PIK3C3: variants seen among roughly 807,000 people sequenced by gnomAD.
PIK3C3 encodes PI3-kinase type 3.
A neutral mutation model predicts 126.1 loss-of-function variants in PIK3C3; 95 were observed. That is an observed-to-expected ratio of 0.75 (90% CI 0.64 to 0.89). The LOEUF (loss-of-function observed/expected upper bound fraction) is 0.89. PIK3C3 is among the 40% of genes least tolerant of loss of function. PIK3C3 has a pLI of 0.00. For missense variants in PIK3C3, 829 were observed against 1,063.2 expected (o/e 0.78, Z 3.06); for synonymous variants, 374 against 360.0 (o/e 1.04, Z -0.44).
At chr18:41,986,579 T>A (rs4890378) in intron 4 of PIK3C3, among the ~76,000 whole-genome samples, 34,246 of 151,792 alleles carry the variant, frequency 0.23, 4,313 homozygotes, top group South Asian at 0.39. Context: ...ACTCTGGTCT[T>A]CCAGCTCCTA....
rs142884318 is a variant in PIK3C3 at position 42,059,403 on chromosome 18, C to T, written c.2432+1352C>T. On this transcript the variant is annotated intron_variant, in intron 22 of 24. Transcript: ENST00000262039. The stretch of plus-strand genomic sequence containing the variant: ...AGATGAGAGTGCCATTTAATATCTG[C>T]GATTTTTAATTTAAAATAGTCAAAG... 2.2e-4 allele frequency among the ~76,000 whole-genome samples: 33 copies of T among 152,146 alleles called. No individual in the cohort carries two copies. In the East Asian group the frequency reaches 4.4e-3, roughly 20 times the overall value.
chr18:42,015,617 A>C (rs752335161), intron 12 of PIK3C3, 51 bp downstream of exon 12: 1 of 1,213,792 alleles, frequency 8.2e-7, no homozygotes, highest in East Asian at 2.3e-5. Context: ...TACTGCATGA[A>C]CATTTTATAC....
intron 12 of PIK3C3, among the ~76,000 whole-genome samples, chr18:42,018,371 G>A (rs759362809): frequency 1.3e-5 from 2 of 151,914 alleles, no homozygotes; most frequent in East Asian, 1.9e-4. Context: ...GAAATGAAAC[G>A]TGTTTGCTAT....
chr18:42,033,351 G>A (rs1247771099), intron 15 of PIK3C3, among the ~76,000 whole-genome samples: 1 of 152,084 alleles, frequency 6.6e-6, no homozygotes, highest in Non-Finnish European at 1.5e-5. Flanking sequence ...TAGAAAGTAG[G>A]GTTATAGTTT....
intron 17 of PIK3C3, among the ~76,000 whole-genome samples, 178 bp downstream of exon 17, chr18:42,037,998 T>C (rs1193609851): frequency 6.6e-6 from 1 of 152,148 alleles, no homozygotes; most frequent in African/African-American, 2.4e-5. Flanking sequence ...TTCAGAATGG[T>C]TTTTGTGTTG....
At chr18:41,990,382 G>A in intron 5 of PIK3C3, 77 bp from the exon 6 acceptor site, 1 of 827,022 alleles carries the variant, frequency 1.2e-6, no homozygotes, top group Non-Finnish European at 2.0e-6. Context: ...TACTGAATTA[G>A]GAAAAATGAT....
chr18:42,012,603 A>G (rs570665790), intron 10 of PIK3C3, among the ~76,000 whole-genome samples: 7 of 152,306 alleles, frequency 4.6e-5, no homozygotes, highest in African/African-American at 1.7e-4. Flanking sequence ...ATACTTGTGA[A>G]GAGGACAAGT....
In PIK3C3 at chr18:42,084,692, A is replaced by G. The variant is rs184336852; in HGVS notation, c.*3555A>G. 2.6e-5 allele frequency: 4 copies of G among 152,242 alleles called. No individual in the cohort carries two copies. The highest frequency in any genetic ancestry group is 2.0e-4 in the Admixed American group (3 of 15,286). The allele number at this position is 152,242 out of a possible 1,614,324, so 9.4% of individuals were successfully genotyped here. A position where few individuals can be genotyped will look rare whatever the true frequency, so the allele number is the denominator to read the frequency against. Reference sequence around the variant, plus strand: ...AGCTGAGGTGGGACCCCTGCATCCGATAAGTGGCTGCACTAGACCACAGGA... The same window carrying G: ...AGCTGAGGTGGGACCCCTGCATCCGGTAAGTGGCTGCACTAGACCACAGGA... On this transcript the variant is annotated 3_prime_UTR_variant, in exon 25 of 25. Coordinates refer to ENST00000262039, the MANE Select transcript of PIK3C3 (RefSeq NM_002647.4).
chr18:42,032,676 G>T (rs72893439), intron 15 of PIK3C3, among the ~76,000 whole-genome samples: 2 of 138,710 alleles, frequency 1.4e-5, no homozygotes, highest in African/African-American at 2.8e-5. Context: ...TTTAATTAGC[G>T]CATCAACTAG....
Position 41,975,457 on chromosome 18 carries a change from A to G in PIK3C3, c.531+5001A>G, listed in dbSNP as rs182848935. Among the ~76,000 whole-genome samples the G allele has an allele frequency of 3.3e-5, 5 of 152,288 alleles. No homozygotes were observed. The East Asian group carries it at 7.7e-4, about 24-fold the overall frequency. ...GACAGTGCACATGTCGAACGTTTCTATTATTGCCAAAAGTTCTACTGACAG... is the reference window on the plus strand; with the variant it reads ...GACAGTGCACATGTCGAACGTTTCTGTTATTGCCAAAAGTTCTACTGACAG... On this transcript the variant is annotated intron_variant, in intron 4 of 24. Coordinates refer to ENST00000262039, the MANE Select transcript of PIK3C3 (RefSeq NM_002647.4).
At chr18:42,049,132 G>A (rs1396044099) in intron 20 of PIK3C3, among the ~76,000 whole-genome samples, 1 of 152,068 alleles carries the variant, frequency 6.6e-6, no homozygotes, top group African/African-American at 2.4e-5. Context: ...TTTTTCCACA[G>A]ACTTAAAAAA....
Position 42,078,631 on chromosome 18 carries a change from G to A in PIK3C3, c.2650-2492G>A, listed in dbSNP as rs180800023. On this transcript the variant is annotated intron_variant, in intron 24 of 24. Transcript: ENST00000262039. ...ATCCAGACATTGACTTCCCTGTAGC[G>A]TGAAAGTCCTATGTGGCATCTTATT... 3.7e-3 allele frequency among the ~76,000 whole-genome samples: 486 copies of A among 132,490 alleles called. 5 individuals are homozygous for A. The highest frequency in any genetic ancestry group is 0.017 in the African/African-American group (387 of 23,252). 86.9% of individuals were successfully genotyped at this position (132,490 alleles called of 152,430 possible).
chr18:41,970,481 T>G (rs1568114869), intron 4 of PIK3C3, 25 bp downstream of exon 4: 1 of 1,607,736 alleles, frequency 6.2e-7, no homozygotes, highest in African/African-American at 1.3e-5. Flanking sequence ...TTGGAACAGG[T>G]GCAAAGCTCT....
chr18:42,074,049 C>A (rs547139418), intron 24 of PIK3C3, among the ~76,000 whole-genome samples: 2 of 152,210 alleles, frequency 1.3e-5, no homozygotes, highest in African/African-American at 4.8e-5. Context: ...GTTAACTCTT[C>A]CATTTTTTAG....
intron 24 of PIK3C3, among the ~76,000 whole-genome samples, chr18:42,074,185 A>G (rs1325788004): frequency 1.3e-5 from 2 of 152,174 alleles, no homozygotes; most frequent in Non-Finnish European, 1.5e-5. Context: ...AGTCTTAAAT[A>G]TACCATAATG....
intron 21 of PIK3C3, among the ~76,000 whole-genome samples, chr18:42,056,249 A>G (rs796193386): frequency 3.9e-5 from 6 of 152,270 alleles, no homozygotes; most frequent in African/African-American, 1.4e-4. Flanking sequence ...TGTAAAGCAT[A>G]ATATAATTTC....
intron 20 of PIK3C3, 109 bp downstream of exon 20, chr18:42,043,926 A>T (rs538136325): frequency 1.5e-6 from 1 of 671,080 alleles, no homozygotes; most frequent in Admixed American, 2.7e-5. Context: ...TAAATGCTCT[A>T]TAGGAAGAGT....
chr18:42,003,885 C>T (rs1002483129), intron 9 of PIK3C3, among the ~76,000 whole-genome samples: 1 of 152,122 alleles, frequency 6.6e-6, no homozygotes, highest in Non-Finnish European at 1.5e-5. Context: ...CTGCGAAAGC[C>T]GGTGGTCATA....
At chr18:41,987,752 TTTGGTC>T in intron 4 of PIK3C3, 54 bp from the exon 5 acceptor site, 1 of 1,066,148 alleles carries the variant, frequency 9.4e-7, no homozygotes, top group Non-Finnish European at 1.4e-6. Context: ...TTCTGACATT[TTTGGTC>T]CTTCTTTCTA....
Sources: allele counts gnomAD v4.1 joint callset (sites outside exome capture counted in the v4.1 genomes callset), GRCh38; gene constraint gnomAD v4.1.1; transcripts MANE v1.5; gene names NCBI Gene and HGNC (gene_info 2026-07-23, HGNC 2026-07-21).